The following SCN1A variants were observed in gnomAD, a reference collection of about 807,000 sequenced individuals.
SCN1A encodes the protein sodium channel protein type 1 subunit alpha.
SCN1A carries 13 observed loss-of-function variants against 193.7 expected under a neutral mutation model. The observed-to-expected ratio is 0.07, with a 90% confidence interval of 0.04 to 0.11. The LOEUF is 0.11. Ranked by LOEUF, SCN1A falls within the 10% of genes least tolerant of loss-of-function variation. The pLI, the probability that SCN1A is intolerant of heterozygous loss-of-function variation, is 1.00. For missense variants in SCN1A, 1,432 were observed against 2,451.1 expected (o/e 0.58, Z 8.78); for synonymous variants, 781 against 843.6 (o/e 0.93, Z 1.29).
intron 2 of SCN1A, among the ~76,000 whole-genome samples, chr2:166,102,695 T>A (rs1168149158): frequency 1.3e-5 from 2 of 152,064 alleles, no homozygotes; most frequent in African/African-American, 4.8e-5. Context: ...ATCCCAATAC[T>A]GGGTATATAT....
At chr2:166,084,218 C>CTTTT (rs57907653) in intron 2 of SCN1A, among the ~76,000 whole-genome samples, 2 of 127,322 alleles carry the variant, frequency 1.6e-5, no homozygotes, top group Admixed American at 8.1e-5. Context: ...TCTCAATTTT[C>CTTTT]TTTTTTTTTT....
intron 23 of SCN1A, among the ~76,000 whole-genome samples, chr2:166,004,013 A>G (rs1691307704): frequency 6.6e-6 from 1 of 151,594 alleles, no homozygotes; most frequent in Non-Finnish European, 1.5e-5. Flanking sequence ...GTAATGACAA[A>G]GGTGGAGGGG....
At chr2:166,022,620 T>C (rs956321286) in intron 19 of SCN1A, among the ~76,000 whole-genome samples, 1 of 152,182 alleles carries the variant, frequency 6.6e-6, no homozygotes, top group Admixed American at 6.5e-5. Flanking sequence ...TATAATCCCC[T>C]GCCCTTATGT....
Position 166,046,963 on chromosome 2 carries a change from G to A in SCN1A, c.1184C>T (p.Ala395Val), listed in dbSNP as rs759121197. Residue 395 changes from alanine (A) to valine (V), a missense_variant, in exon 12 of 29, where the codon GCT becomes GTT. Coordinates refer to ENST00000674923, the MANE Select transcript of SCN1A (RefSeq NM_001165963.4). Reference protein sequence around the residue: ...ENLYQLTLRAAGKTYMIFFVL... With the variant: ...ENLYQLTLRAVGKTYMIFFVL... ...AAAAAATATCATGTACGTTTTCCCA[G>A]CAGCACGTAATGTCTGCAAACAAAA... 2.0e-5 allele frequency: 32 copies of A among 1,613,562 alleles called. No homozygotes were observed. The highest frequency in any genetic ancestry group is 2.7e-5 in the Non-Finnish European group (32 of 1,179,704).
intron 11 of SCN1A, 149 bp downstream of exon 11, chr2:166,047,478 T>G (rs1185562668): frequency 1.2e-6 from 1 of 865,870 alleles, no homozygotes; most frequent in Non-Finnish European, 1.9e-6. Context: ...CTGCTCAGTA[T>G]GTGTTATAAT....
chr2:166,060,492 T>C (rs975208549), intron 4 of SCN1A: 1 of 152,094 alleles, frequency 6.6e-6, no homozygotes, highest in Non-Finnish European at 1.5e-5. Context: ...ATAAATATGG[T>C]CCACCTTTCA....
intron 19 of SCN1A, among the ~76,000 whole-genome samples, chr2:166,024,413 T>C (rs1196163616): frequency 6.6e-6 from 1 of 152,214 alleles, no homozygotes; most frequent in Non-Finnish European, 1.5e-5. Flanking sequence ...AAAGATACCA[T>C]GTTCTGAGAT....
Position 166,073,508 on chromosome 2 carries a change from T to C in SCN1A, c.114A>G (p.Lys38=). 2.5e-6 allele frequency: 4 copies of C among 1,614,160 alleles called. No homozygotes were observed. In the African/African-American group the frequency reaches 4.0e-5, roughly 16 times the overall value. ...RIAEEKAKNP[K]PDKKDDDENG... ...TTTCGTCGTCATCTTTTTTGTCTGGTTTGGGATTCTTTGCCTTTTCTTCTG... is the reference window on the plus strand; with the variant it reads ...TTTCGTCGTCATCTTTTTTGTCTGGCTTGGGATTCTTTGCCTTTTCTTCTG... The change falls in exon 4 of 29, where the codon AAA becomes AAG. Residue 38 remains lysine (K), a synonymous_variant. Transcript: ENST00000674923.
chr2:165,995,992 A>G (rs367587348), intron 27 of SCN1A, 21 bp downstream of exon 27: 10 of 1,468,018 alleles, frequency 6.8e-6, no homozygotes, highest in Non-Finnish European at 8.6e-6. Flanking sequence ...TTTTTCCCCC[A>G]TATCATTTGA....
intron 4 of SCN1A, among the ~76,000 whole-genome samples, chr2:166,070,151 T>G (rs561734549): frequency 6.6e-6 from 1 of 152,256 alleles, no homozygotes; most frequent in East Asian, 1.9e-4. Flanking sequence ...CAGAAAAAAG[T>G]GTACAGGCAA....
chr2:165,986,417 A>C lies in SCN1A; in HGVS notation c.*4828T>G, dbSNP rs750882136. Reference sequence around the variant, plus strand: ...GTTATCCAAATCAGATCTGTTTAGCATCAAATACTGGGGTCTTAACCACTA... The same window carrying C: ...GTTATCCAAATCAGATCTGTTTAGCCTCAAATACTGGGGTCTTAACCACTA... On this transcript the variant is annotated 3_prime_UTR_variant, in exon 29 of 29. Transcript: ENST00000674923. 3.9e-5 allele frequency: 6 copies of C among 152,152 alleles called. No homozygotes were observed. Among genetic ancestry groups the C allele is most frequent in the Non-Finnish European group, 8.8e-5 (6 of 68,010 alleles). 9.4% of individuals were successfully genotyped at this position (152,152 alleles called of 1,614,324 possible). A position where few individuals can be genotyped will look rare whatever the true frequency, so the allele number is the denominator to read the frequency against.
chr2:166,098,907 A>T (rs1687709874), intron 2 of SCN1A, among the ~76,000 whole-genome samples: 1 of 152,238 alleles, frequency 6.6e-6, no homozygotes, highest in African/African-American at 2.4e-5. Flanking sequence ...GGTAGGAAGA[A>T]TTAATATTGT....
intron 1 of SCN1A, among the ~76,000 whole-genome samples, chr2:166,144,803 A>T (rs921060966): frequency 3.3e-5 from 5 of 151,740 alleles, no homozygotes; most frequent in Non-Finnish European, 7.4e-5. Context: ...AATGACAGAG[A>T]TAATGGGGCC....
intron 2 of SCN1A, among the ~76,000 whole-genome samples, chr2:166,124,495 C>T (rs1443302706): frequency 6.6e-6 from 1 of 152,128 alleles, no homozygotes; most frequent in Non-Finnish European, 1.5e-5. Flanking sequence ...TGCAGTGAGC[C>T]AAGAACGTGC....
chr2:166,103,411 G>C (rs1017164212), intron 2 of SCN1A, among the ~76,000 whole-genome samples: 1 of 151,346 alleles, frequency 6.6e-6, no homozygotes, highest in Non-Finnish European at 1.5e-5. Context: ...AGTTCGCACC[G>C]CTGCACTCCA....
In SCN1A at chr2:165,991,411, A is replaced by T; in HGVS notation, c.5864T>A (p.Ile1955Lys). The change falls in exon 29 of 29, where the codon ATA (isoleucine) becomes AAA (lysine). Residue 1955 changes from isoleucine to lysine, a missense_variant. This residue lies in a region of SCN1A where 148 missense variants were observed against 160.3 expected (regional missense o/e 0.92). Transcript: ENST00000674923. ...TCTGTCAATTATCATGTCTTCTTTT[A>T]TAAGAAGATTAGCCCCACCTTTGAT... ...NKIKGGANLL[I>K]KEDMIIDRIN... The T allele has an allele frequency of 1.2e-6, 2 of 1,613,784 alleles. No homozygotes were observed. The highest frequency in any genetic ancestry group is 1.7e-6 in the Non-Finnish European group (2 of 1,179,830).
chr2:166,037,704 AG>A, intron 18 of SCN1A, 71 bp downstream of exon 18: 1 of 1,298,102 alleles, frequency 7.7e-7, no homozygotes, highest in Admixed American at 1.7e-5. Context: ...CACAATGTGC[AG>A]GTTAGTTACA....
At chr2:166,094,986 C>G (rs1687219594) in intron 2 of SCN1A, among the ~76,000 whole-genome samples, 1 of 152,132 alleles carries the variant, frequency 6.6e-6, no homozygotes, top group African/African-American at 2.4e-5. Flanking sequence ...CCTTTTAGAT[C>G]ATTTGGTCTT....
chr2:166,082,759 AT>A (rs1314428279), intron 2 of SCN1A, among the ~76,000 whole-genome samples: 3 of 152,120 alleles, frequency 2.0e-5, no homozygotes, highest in Admixed American at 2.0e-4. Context: ...CCAAAGTTCA[AT>A]ATAGTTGTGC....
Sources: allele counts gnomAD v4.1 joint callset (sites outside exome capture counted in the v4.1 genomes callset), GRCh38; gene constraint gnomAD v4.1.1; regional missense constraint gnomAD v4.1.1; transcripts MANE v1.5; gene names NCBI Gene and HGNC (gene_info 2026-07-23, HGNC 2026-07-21).